Variants in NKD2 observed in about 807,000 individuals in gnomAD.
NKD2 encodes the protein protein naked cuticle homolog 2.
A neutral mutation model predicts 34.8 loss-of-function variants in NKD2; 43 were observed. The ratio of observed to expected loss-of-function variants is 1.24; its 90% CI spans 0.97 to 1.60. NKD2 has a LOEUF of 1.60. Among genes scored for constraint, NKD2 ranks in the 40% most tolerant of loss-of-function variants. The pLI is 0.00. For synonymous variants in NKD2, 278 were observed against 265.1 expected, an observed-to-expected ratio of 1.05 and a Z score of -0.47; for missense variants, 675 against 627.1, an observed-to-expected ratio of 1.08 and a Z score of -0.82.
chr5:1,037,092 TGTGGATGGCAGGCAAGCAG>T (rs1233180163), intron 9 of NKD2, among the ~76,000 whole-genome samples: 9 of 151,536 alleles, frequency 5.9e-5, no homozygotes, highest in Non-Finnish European at 1.2e-4. Flanking sequence ...CAGCAGGCAG[TGTGGATGGCAGGCAAGCAG>T]GTGGATGGCA....
intron 9 of NKD2, chr5:1,036,992 G>T: frequency 2.9e-6 from 1 of 344,678 alleles, no homozygotes; most frequent in South Asian, 2.6e-5. Context: ...AGTGTGGATG[G>T]CAGGCAGGCA....
At chr5:1,012,471 G>A (rs879352) in intron 3 of NKD2, among the ~76,000 whole-genome samples, 11,012 of 152,298 alleles carry the variant, frequency 0.072, 1,170 homozygotes, top group African/African-American at 0.24. Context: ...CCCATGCCAC[G>A]GCCCTTCTGA....
At chr5:1,018,806 C>T (rs1379941677) in intron 3 of NKD2, among the ~76,000 whole-genome samples, 1 of 152,120 alleles carries the variant, frequency 6.6e-6, no homozygotes, top group African/African-American at 2.4e-5. Context: ...TAGCTGTGCC[C>T]AGGGGAAGCC....
At chr5:1,036,493 C>CCCTGCCCCG (rs1733943366) in intron 9 of NKD2, 109 bp downstream of exon 9, 1 of 534,990 alleles carries the variant, frequency 1.9e-6, no homozygotes, top group Non-Finnish European at 2.9e-6. Flanking sequence ...CCCTGCCCCG[C>CCCTGCCCCG]CCCCCCCCAA....
chr5:1,016,168 G>A (rs2150728767), intron 3 of NKD2, among the ~76,000 whole-genome samples: 1 of 152,372 alleles, frequency 6.6e-6, no homozygotes, highest in Admixed American at 6.5e-5. Flanking sequence ...GACACACGGT[G>A]CTGACCTGGC....
At position 1,036,398 on chromosome 5, in the gene NKD2, G is replaced by A; in HGVS notation, c.787+14G>A. 1 of 1,607,360 alleles carries A rather than the reference G, an allele frequency of 6.2e-7. No individual in the cohort carries two copies. The highest frequency in any genetic ancestry group is 1.3e-5 in the African/African-American group (1 of 74,882). ...GATTCGGCCCTGGTAGGTCCTGGAG[G>A]CCACCCTGGGCGTGAGGCCCTGGCT... On this transcript the variant is annotated intron_variant, in intron 9 of 9. Transcript: ENST00000296849.
At position 1,009,661 on chromosome 5, in the gene NKD2, C is replaced by T. The variant is rs1225456868; in HGVS notation, c.141+101C>T. The T allele has an allele frequency of 9.8e-7, 1 of 1,016,778 alleles. No homozygotes were observed. The highest frequency in any genetic ancestry group is 1.3e-6 in the Non-Finnish European group (1 of 755,246). 63.0% of individuals were successfully genotyped at this position (1,016,778 alleles called of 1,614,324 possible). On this transcript the variant is annotated intron_variant, in intron 3 of 9. Transcript: ENST00000296849. The surrounding 1 kb of genome is among the most constrained non-coding windows in gnomAD (Gnocchi z 6.9). Reference sequence around the variant, plus strand: ...GGTGCCCGCCCGCGGACAGGCGAGACGTGGGCCGCCATGGCCGCACGAGTG... The same window carrying T: ...GGTGCCCGCCCGCGGACAGGCGAGATGTGGGCCGCCATGGCCGCACGAGTG...
At chr5:1,011,622 G>T (rs541276900) in intron 3 of NKD2, among the ~76,000 whole-genome samples, 17 of 152,346 alleles carry the variant, frequency 1.1e-4, no homozygotes, top group Admixed American at 9.8e-4. Flanking sequence ...GAGGCATCCT[G>T]GGTGCCACAG....
intron 3 of NKD2, among the ~76,000 whole-genome samples, chr5:1,031,099 C>A (rs1038086846): frequency 6.6e-6 from 1 of 152,100 alleles, no homozygotes; most frequent in African/African-American, 2.4e-5. Flanking sequence ...TGGGGGGGTC[C>A]AGGTGCCCTC....
At chr5:1,028,287 C>T (rs1385059120) in intron 3 of NKD2, among the ~76,000 whole-genome samples, 6 of 152,126 alleles carry the variant, frequency 3.9e-5, no homozygotes, top group Non-Finnish European at 5.9e-5. Flanking sequence ...CCCGTAGGGC[C>T]GTGGGACCTG....
At chr5:1,020,556 G>C (rs1018405269) in intron 3 of NKD2, among the ~76,000 whole-genome samples, 1 of 152,038 alleles carries the variant, frequency 6.6e-6, no homozygotes, top group Admixed American at 6.5e-5. Context: ...CCTCCCATCC[G>C]CGTCGGTTAA....
intron 7 of NKD2, 145 bp downstream of exon 7, chr5:1,035,048 G>C (rs964976010): frequency 9.6e-6 from 7 of 730,164 alleles, no homozygotes; most frequent in Non-Finnish European, 1.3e-5. Flanking sequence ...GAGTAAGTGG[G>C]TGAGTGAGTG....
In NKD2 at chr5:1,009,619, G is replaced by A. The variant is rs1399131402; in HGVS notation, c.141+59G>A. The A allele has an allele frequency of 1.5e-6, 2 of 1,336,474 alleles. No homozygotes were observed. The highest frequency in any genetic ancestry group is 3.1e-5 in the African/African-American group (2 of 64,170). The allele number at this position is 1,336,474 out of a possible 1,614,324, so 82.8% of individuals were successfully genotyped here. A position where few individuals can be genotyped will look rare whatever the true frequency, so the allele number is the denominator to read the frequency against. On this transcript the variant is annotated intron_variant, in intron 3 of 9. Transcript: ENST00000296849. The surrounding 1 kb of genome is among the most constrained non-coding windows in gnomAD (Gnocchi z 6.9). Reference sequence around the variant, plus strand: ...CGCACCCGCCCGGGGGCGGGGAGCGGTGTCAGAGCTGTTCCTGGTGCCCGC... The same window carrying A: ...CGCACCCGCCCGGGGGCGGGGAGCGATGTCAGAGCTGTTCCTGGTGCCCGC...
intron 9 of NKD2, chr5:1,037,473 C>A: frequency 1.3e-6 from 2 of 1,500,430 alleles, no homozygotes; most frequent in Non-Finnish European, 1.8e-6. Context: ...ATCCTGGGGG[C>A]GCCCTCCCTG....
Position 1,033,421 on chromosome 5 carries a change from C to A in NKD2, c.252C>A (p.Leu84=), listed in dbSNP as rs568046926. ...AGGGCCGCGAGCACCCGGGACAACT[C>A]CTCAGCGCAGATGACGGAGAGAGGG... ...KAEGREHPGQ[L]LSADDGERAA... The change falls in exon 5 of 10, where the codon CTC becomes CTA. Residue 84 remains leucine (L), a synonymous_variant. Coordinates refer to ENST00000296849, the MANE Select transcript of NKD2 (RefSeq NM_033120.4). 1.9e-5 allele frequency: 31 copies of A among 1,591,806 alleles called. No individual in the cohort carries two copies. The highest frequency in any genetic ancestry group is 5.4e-5 in the African/African-American group (4 of 74,306).
intron 3 of NKD2, among the ~76,000 whole-genome samples, chr5:1,012,540 CCTG>C (rs1285577846): frequency 6.6e-6 from 1 of 152,256 alleles, no homozygotes; most frequent in Non-Finnish European, 1.5e-5. Flanking sequence ...AGTCGTAAGA[CCTG>C]CTGGCTCTGT....
intron 3 of NKD2, among the ~76,000 whole-genome samples, chr5:1,028,874 G>A (rs1486606924): frequency 4.6e-5 from 7 of 152,306 alleles, no homozygotes; most frequent in East Asian, 1.9e-4. Flanking sequence ...AGGGAGGGGC[G>A]CCCGCCCTGG....
At chr5:1,016,805 C>T (rs1004254980) in intron 3 of NKD2, among the ~76,000 whole-genome samples, 8 of 152,226 alleles carry the variant, frequency 5.3e-5, no homozygotes, top group African/African-American at 1.9e-4. Flanking sequence ...TTTTGGATAA[C>T]AGAGCCTACC....
Position 1,009,110 on chromosome 5 carries a change from G to T in NKD2, c.25+28G>T. The T allele has an allele frequency of 2.4e-6, 1 of 419,060 alleles. No homozygotes were observed. The allele number at this position is 419,060 out of a possible 1,614,324, so 26.0% of individuals were successfully genotyped here. On this transcript the variant is annotated intron_variant, in intron 1 of 9. Coordinates refer to ENST00000296849, the MANE Select transcript of NKD2 (RefSeq NM_033120.4). The surrounding 1 kb of genome is among the most constrained non-coding windows in gnomAD (Gnocchi z 6.9). ...GAGCCGCGGGCCGGTAGGGCGGGAGGGCGGGCGGGCGGGCGTGGGGCCGCC... is the reference window on the plus strand; with the variant it reads ...GAGCCGCGGGCCGGTAGGGCGGGAGTGCGGGCGGGCGGGCGTGGGGCCGCC...
Sources: gnomAD v4.1 joint callset for allele counts (sites outside exome capture counted in the v4.1 genomes callset) on GRCh38, gnomAD v4.1.1 for gene constraint, Gnocchi (gnomAD v3.1) non-coding constraint, MANE v1.5 for transcripts, NCBI Gene and HGNC (gene_info 2026-07-23, HGNC 2026-07-21) for gene names.